Variants in RASSF8 observed in about 807,000 individuals in gnomAD.
The protein encoded by RASSF8 is Ras association domain family member 8, also known as ras association domain-containing protein 8.
A neutral mutation model predicts 48.5 loss-of-function variants in RASSF8; 22 were observed. The observed-to-expected ratio is 0.45, with a 90% CI of 0.32 to 0.65. The LOEUF (loss-of-function observed/expected upper bound fraction) is 0.65, where lower values mean the gene tolerates loss of function less well. Ranked by LOEUF, RASSF8 falls within the 30% of genes least tolerant of loss-of-function variation. The pLI is 0.03. For synonymous variants in RASSF8, 127 were observed against 171.5 expected (o/e 0.74, Z 2.03); for missense variants, 418 against 489.2 (o/e 0.85, Z 1.37).
intron 1 of RASSF8, among the ~76,000 whole-genome samples, chr12:25,987,066 C>G (rs1338462682): frequency 6.6e-6 from 1 of 152,190 alleles, no homozygotes; most frequent in East Asian, 1.9e-4. Context: ...TCCTGAGTAG[C>G]TGGGATTATA....
In RASSF8 at chr12:26,072,359, A is replaced by G. The variant is rs1944016848; in HGVS notation, c.*3541A>G. The G allele has an allele frequency of 8.1e-6, 8 of 985,424 alleles. No homozygotes were observed. The highest frequency in any genetic ancestry group is 9.6e-6 in the Non-Finnish European group (8 of 829,900). The allele number at this position is 985,424 out of a possible 1,614,324, so 61.0% of individuals were successfully genotyped here. A position where few individuals can be genotyped will look rare whatever the true frequency, so the allele number is the denominator to read the frequency against. On this transcript the variant is annotated 3_prime_UTR_variant, in exon 6 of 6. Transcript: ENST00000689635. Reference sequence around the variant, plus strand: ...TATTTATTCAGTATTGCTGCTTTACATCTCCAGAATAAGCTTTCGATGCCA... The same window carrying G: ...TATTTATTCAGTATTGCTGCTTTACGTCTCCAGAATAAGCTTTCGATGCCA...
chr12:26,010,973 T>A (rs1942509708), intron 2 of RASSF8, among the ~76,000 whole-genome samples: 1 of 152,302 alleles, frequency 6.6e-6, no homozygotes, highest in Middle Eastern at 3.4e-3. Context: ...CATACCACTT[T>A]ATCTTTCCTT....
chr12:26,033,959 T>C (rs1254727776), intron 2 of RASSF8, among the ~76,000 whole-genome samples: 2 of 152,114 alleles, frequency 1.3e-5, no homozygotes, highest in African/African-American at 4.8e-5. Flanking sequence ...TGTATGTGCC[T>C]AGCAAAGAGG....
At chr12:26,021,137 C>T (rs1382956617) in intron 2 of RASSF8, among the ~76,000 whole-genome samples, 1 of 152,000 alleles carries the variant, frequency 6.6e-6, no homozygotes, top group Non-Finnish European at 1.5e-5. Flanking sequence ...AGAAGTTGCA[C>T]AGACCTGCTC....
At position 26,071,627 on chromosome 12, in the gene RASSF8, A is replaced by G; in HGVS notation, c.*2809A>G. On this transcript the variant is annotated 3_prime_UTR_variant, in exon 6 of 6. Transcript: ENST00000689635. ...TCCTTCTGAGATATTTTGGTTTGATAACATTTTGTTTTTTGTCTTGATGCA... is the reference window on the plus strand; with the variant it reads ...TCCTTCTGAGATATTTTGGTTTGATGACATTTTGTTTTTTGTCTTGATGCA... The G allele has an allele frequency of 1.0e-6, 1 of 985,160 alleles. No individual in the cohort carries two copies. Among genetic ancestry groups the G allele is most frequent in the Non-Finnish European group, 1.2e-6 (1 of 829,790 alleles). 61.0% of individuals were successfully genotyped at this position (985,160 alleles called of 1,614,324 possible). A position where few individuals can be genotyped will look rare whatever the true frequency, so the allele number is the denominator to read the frequency against.
chr12:25,972,977 C>G (rs1275046580), intron 1 of RASSF8, among the ~76,000 whole-genome samples: 2 of 152,110 alleles, frequency 1.3e-5, no homozygotes, highest in Non-Finnish European at 2.9e-5. Context: ...GTTTCTGGCA[C>G]CCAAGGCTGT....
intron 2 of RASSF8, among the ~76,000 whole-genome samples, chr12:26,032,183 G>C (rs1255176168): frequency 1.3e-5 from 2 of 152,158 alleles, no homozygotes; most frequent in African/African-American, 4.8e-5. Flanking sequence ...ATCCTTTCTT[G>C]TGATGAGCTA....
At chr12:25,984,437 G>A (rs1488774992) in intron 1 of RASSF8, among the ~76,000 whole-genome samples, 5 of 151,672 alleles carry the variant, frequency 3.3e-5, no homozygotes, top group South Asian at 4.2e-4. Flanking sequence ...CTTCCTCCCC[G>A]GTTCAGGCAA....
At chr12:26,078,936 C>A in intron 5 of RASSF8, 3 of 1,191,734 alleles carry the variant, frequency 2.5e-6, no homozygotes, top group Admixed American at 3.3e-5. Flanking sequence ...AAGACCCAAA[C>A]TAAAGCTAGT....
intron 1 of RASSF8, among the ~76,000 whole-genome samples, chr12:25,982,396 G>C (rs190054128): frequency 4.8e-4 from 73 of 152,294 alleles, no homozygotes; most frequent in African/African-American, 1.7e-3. Context: ...TTGAACAGAA[G>C]CTCAGTATAA....
At chr12:25,964,834 C>A (rs988174358) in intron 1 of RASSF8, among the ~76,000 whole-genome samples, 1 of 152,104 alleles carries the variant, frequency 6.6e-6, no homozygotes. Flanking sequence ...AGTTCTAATA[C>A]GTTAAATGTC....
chr12:26,044,791 T>C (rs1414396668), intron 2 of RASSF8, among the ~76,000 whole-genome samples: 1 of 152,200 alleles, frequency 6.6e-6, no homozygotes, highest in Non-Finnish European at 1.5e-5. Context: ...TTAAACAGTA[T>C]AGCGCCTCCT....
rs1418053996 is a variant in RASSF8, at chr12:26,065,385, C to T, written c.991C>T (p.Gln331Ter). 1 of 1,593,370 alleles carries T rather than the reference C, an allele frequency of 6.3e-7. No homozygotes were observed. The highest frequency in any genetic ancestry group is 2.2e-5 in the East Asian group (1 of 44,606). Residue 331 changes from glutamine to a stop codon, truncating the protein, a stop_gained and splice_region_variant, in exon 4 of 6, where the codon CAG becomes TAG. Transcript: ENST00000689635. LOFTEE classifies it high-confidence loss of function. Reference sequence around the variant, plus strand: ...TCTTGGACAAGCCACCAAACGCTTACAGGTAGGGACACTTTGATAAATAGA... The same window carrying T: ...TCTTGGACAAGCCACCAAACGCTTATAGGTAGGGACACTTTGATAAATAGA... Reference protein sequence around the residue: ...RSLGQATKRLQDKEQELEQLT... With the variant: ...RSLGQATKRL
intron 1 of RASSF8, among the ~76,000 whole-genome samples, chr12:25,963,779 G>A (rs559230706): frequency 6.6e-6 from 1 of 152,302 alleles, no homozygotes; most frequent in East Asian, 1.9e-4. Flanking sequence ...CAGCATTTTT[G>A]AGCCCCTGTT....
chr12:26,032,150 G>A (rs1214571326), intron 2 of RASSF8, among the ~76,000 whole-genome samples: 1 of 152,126 alleles, frequency 6.6e-6, no homozygotes, highest in African/African-American at 2.4e-5. Context: ...CCTTCAGTTT[G>A]TAGCAGTTTG....
chr12:25,958,523 G>A (rs1467142550), upstream of RASSF8: 1 of 150,692 alleles, frequency 6.6e-6, no homozygotes, highest in East Asian at 1.9e-4. Context: ...CGCGGGCGGG[G>A]CGCGGAGGAG....
chr12:25,986,551 G>A (rs1007731544), intron 1 of RASSF8, among the ~76,000 whole-genome samples: 4 of 152,128 alleles, frequency 2.6e-5, no homozygotes, highest in Non-Finnish European at 5.9e-5. Context: ...CCCTTTTGAG[G>A]CCTATGATGT....
intron 2 of RASSF8, among the ~76,000 whole-genome samples, chr12:26,033,110 T>G (rs561602540): frequency 1.1e-4 from 17 of 152,292 alleles, no homozygotes; most frequent in African/African-American, 3.9e-4. Flanking sequence ...AGGTAAATAC[T>G]AAGGATGGTT....
intron 2 of RASSF8, among the ~76,000 whole-genome samples, chr12:26,011,087 T>C (rs1183466650): frequency 1.3e-5 from 2 of 152,224 alleles, no homozygotes; most frequent in Admixed American, 1.3e-4. Flanking sequence ...TCTGAGGAAT[T>C]GTCCATCTTT....
Sources: allele counts gnomAD v4.1 joint callset (sites outside exome capture counted in the v4.1 genomes callset), GRCh38; gene constraint gnomAD v4.1.1; transcripts MANE v1.5; gene names NCBI Gene and HGNC (gene_info 2026-07-23, HGNC 2026-07-21).